PACRG: variants seen among roughly 807,000 people sequenced by gnomAD.
PACRG encodes parkin coregulated gene protein.
A neutral mutation model predicts 29.7 loss-of-function variants in PACRG; 29 were observed. That is an observed-to-expected ratio of 0.98 (90% confidence interval 0.73 to 1.33). The LOEUF (loss-of-function observed/expected upper bound fraction) is 1.33, where lower values mean the gene tolerates loss of function less well. Among genes scored for constraint, PACRG ranks in the 40% most tolerant of loss-of-function variants. The pLI is 0.00. For missense variants in PACRG, 279 were observed against 316.2 expected, an observed-to-expected ratio of 0.88 and a Z score of 0.89; for synonymous variants, 116 against 118.7, an observed-to-expected ratio of 0.98 and a Z score of 0.15.
intron 2 of PACRG, among the ~76,000 whole-genome samples, chr6:163,030,546 G>A (rs1349230810): frequency 6.6e-6 from 1 of 152,102 alleles, no homozygotes; most frequent in African/African-American, 2.4e-5. Context: ...CCCAAGAGAG[G>A]GTTCTTGGAT....
At chr6:163,222,267 C>T (rs566078555) in intron 4 of PACRG, among the ~76,000 whole-genome samples, 1 of 152,274 alleles carries the variant, frequency 6.6e-6, no homozygotes, top group East Asian at 1.9e-4. Flanking sequence ...CATGGTCCAT[C>T]GCAACCAACC....
chr6:163,059,713 A>T (rs1359402895), intron 2 of PACRG, among the ~76,000 whole-genome samples: 2 of 152,176 alleles, frequency 1.3e-5, no homozygotes, highest in Non-Finnish European at 2.9e-5. Context: ...TCTCTGTTTC[A>T]ATTTCCTCAT....
intron 2 of PACRG, among the ~76,000 whole-genome samples, chr6:163,022,542 G>A (rs1169091841): frequency 2.0e-5 from 3 of 152,296 alleles, no homozygotes; most frequent in South Asian, 4.1e-4. Context: ...GAGCAGCTTC[G>A]AGGCATTTGC....
chr6:162,873,776 C>T (rs1793028498), intron 2 of PACRG, among the ~76,000 whole-genome samples: 2 of 152,258 alleles, frequency 1.3e-5, no homozygotes, highest in East Asian at 3.9e-4. Flanking sequence ...CACATCTTAT[C>T]ATCAGGCCAG....
At chr6:162,822,745 T>A (rs1333426196) in intron 2 of PACRG, among the ~76,000 whole-genome samples, 1 of 152,180 alleles carries the variant, frequency 6.6e-6, no homozygotes, top group Non-Finnish European at 1.5e-5. Context: ...ATTTCAACTT[T>A]CATGTACATA....
At chr6:162,984,765 T>C (rs574177661) in intron 2 of PACRG, among the ~76,000 whole-genome samples, 2 of 152,180 alleles carry the variant, frequency 1.3e-5, no homozygotes, top group South Asian at 4.1e-4. Flanking sequence ...ATTAGTGATT[T>C]TGAGCAATTT....
intron 3 of PACRG, among the ~76,000 whole-genome samples, chr6:163,074,986 C>T (rs1478853977): frequency 5.3e-5 from 8 of 151,630 alleles, no homozygotes; most frequent in Non-Finnish European, 1.0e-4. Flanking sequence ...GAGTGAGACT[C>T]TGTCTCAAAA....
At chr6:162,845,495 A>T (rs190849985) in intron 2 of PACRG, among the ~76,000 whole-genome samples, 4 of 152,162 alleles carry the variant, frequency 2.6e-5, no homozygotes, top group African/African-American at 9.7e-5. Context: ...TTGCTAAAAA[A>T]TTTCAAGTAT....
chr6:162,944,914 ATT>A (rs1216190926), intron 2 of PACRG, among the ~76,000 whole-genome samples: 1 of 152,138 alleles, frequency 6.6e-6, no homozygotes, highest in African/African-American at 2.4e-5. Context: ...TAGAAAACTT[ATT>A]TAGCCAAATA....
At chr6:162,894,306 A>G (rs1162741211) in intron 2 of PACRG, among the ~76,000 whole-genome samples, 5 of 152,236 alleles carry the variant, frequency 3.3e-5, no homozygotes, top group African/African-American at 1.2e-4. Flanking sequence ...ACAGATGGAA[A>G]AATGCTGATA....
At chr6:162,976,913 A>G (rs145158677) in intron 2 of PACRG, among the ~76,000 whole-genome samples, 2 of 152,224 alleles carry the variant, frequency 1.3e-5, no homozygotes, top group Admixed American at 6.5e-5. Flanking sequence ...AAAATACGCA[A>G]AATGAAAGTG....
At chr6:163,023,696 G>T (rs1029576441) in intron 2 of PACRG, among the ~76,000 whole-genome samples, 5 of 152,224 alleles carry the variant, frequency 3.3e-5, no homozygotes, top group African/African-American at 1.2e-4. Flanking sequence ...CCCACCAACA[G>T]TGTATAAGTG....
chr6:162,926,768 C>T lies in PACRG; in HGVS notation c.291+112487C>T, dbSNP rs567408465. 7.2e-5 allele frequency among the ~76,000 whole-genome samples: 11 copies of T among 152,092 alleles called. No homozygotes were observed. In the South Asian group the frequency reaches 2.3e-3, roughly 32 times the overall value. ...GATCAAAGGTTTTATGATGAAATCA[C>T]CAAAAGCAATTGCAACAAAAGCAAA... is the stretch of plus-strand genomic sequence containing the variant. On this transcript the variant is annotated intron_variant, in intron 2 of 4. Transcript: ENST00000366888.
chr6:162,760,400 G>A (rs144752703), intron 1 of PACRG, among the ~76,000 whole-genome samples: 8 of 152,320 alleles, frequency 5.3e-5, no homozygotes, highest in Admixed American at 2.0e-4. Context: ...ACCAGGCCAC[G>A]CTGTCAGAGG....
chr6:163,232,523 G>A (rs964939752), intron 4 of PACRG, among the ~76,000 whole-genome samples: 7 of 152,194 alleles, frequency 4.6e-5, no homozygotes, highest in Non-Finnish European at 1.0e-4. Context: ...GGAAGGGAAA[G>A]GTGGGAAGGT....
rs1779519857 is a variant in PACRG, at chr6:163,179,039, T to A, written c.613+89631T>A. Among the ~76,000 whole-genome samples, 3 of 152,350 alleles carry A rather than the reference T, an allele frequency of 2.0e-5. No individual in the cohort carries two copies. The South Asian group carries it at 6.2e-4, about 32-fold the overall frequency. On this transcript the variant is annotated intron_variant, in intron 4 of 4. Transcript: ENST00000366888. Reference sequence around the variant, plus strand: ...CTTTTCATTTGTGATGAGCTGAATTTTCAGGCTGATGAAATAAGTCACTGA... The same window carrying A: ...CTTTTCATTTGTGATGAGCTGAATTATCAGGCTGATGAAATAAGTCACTGA...
chr6:162,944,019 G>T (rs1455738199), intron 2 of PACRG, among the ~76,000 whole-genome samples: 1 of 152,130 alleles, frequency 6.6e-6, no homozygotes, highest in Admixed American at 6.5e-5. Context: ...CCAAGAATAT[G>T]CCTGCCTGGT....
intron 2 of PACRG, among the ~76,000 whole-genome samples, chr6:163,029,059 G>A (rs1807413607): frequency 1.3e-5 from 2 of 152,212 alleles, no homozygotes; most frequent in South Asian, 2.1e-4. Context: ...ACAAAGAGGA[G>A]GCAAGGAGGT....
At chr6:162,744,232 T>C (rs533363076) in intron 1 of PACRG, among the ~76,000 whole-genome samples, 1 of 152,346 alleles carries the variant, frequency 6.6e-6, no homozygotes, top group South Asian at 2.1e-4. Context: ...TTTTTTTGTC[T>C]GTAGTTATTC....
Sources: allele counts gnomAD v4.1 joint callset (sites outside exome capture counted in the v4.1 genomes callset), GRCh38; gene constraint gnomAD v4.1.1; transcripts MANE v1.5; gene names NCBI Gene and HGNC (gene_info 2026-07-23, HGNC 2026-07-21).